LHFPL3: variants seen among roughly 807,000 people sequenced by gnomAD.
LHFPL3 encodes LHFPL tetraspan subfamily member 3.
LHFPL3 carries 5 observed loss-of-function variants against 19.3 expected under a neutral mutation model. The observed-to-expected ratio is 0.26, with a 90% CI of 0.14 to 0.54. The LOEUF is 0.54. Among genes scored for constraint, LHFPL3 ranks in the 20% least tolerant of loss-of-function variants. The probability of loss-of-function intolerance (pLI) is 0.94; values close to 1 mark genes in which losing one functional copy is unlikely to be tolerated. For synonymous variants in LHFPL3, 133 were observed against 126.2 expected (o/e 1.05, Z -0.36); for missense variants, 249 against 307.4 (o/e 0.81, Z 1.42).
chr7:104,370,038 T>C (rs1790579915), intron 1 of LHFPL3, among the ~76,000 whole-genome samples: 1 of 152,216 alleles, frequency 6.6e-6, no homozygotes. Context: ...GTTAGCCATG[T>C]ATTGAATAAC....
intron 1 of LHFPL3, among the ~76,000 whole-genome samples, chr7:104,636,732 T>A (rs1791734448): frequency 1.3e-5 from 2 of 152,248 alleles, no homozygotes; most frequent in Admixed American, 1.3e-4. Context: ...ATTCTTTTTA[T>A]GGCTGCATAG....
intron 1 of LHFPL3, among the ~76,000 whole-genome samples, chr7:104,508,169 T>C (rs544482293): frequency 1.3e-5 from 2 of 152,246 alleles, no homozygotes; most frequent in East Asian, 1.9e-4. Flanking sequence ...CGTATGTTTA[T>C]TGCGGCATTA....
At chr7:104,517,372 G>T (rs1399355384) in intron 1 of LHFPL3, among the ~76,000 whole-genome samples, 1 of 150,912 alleles carries the variant, frequency 6.6e-6, no homozygotes, top group Admixed American at 6.6e-5. Context: ...TTATTTTATT[G>T]AATTAGGTGA....
At chr7:104,575,724 C>A (rs1790326538) in intron 1 of LHFPL3, among the ~76,000 whole-genome samples, 2 of 152,030 alleles carry the variant, frequency 1.3e-5, no homozygotes, top group African/African-American at 4.8e-5. Flanking sequence ...CGGCTCACTG[C>A]AACCTCCACC....
chr7:104,853,570 G>A (rs1791449503), intron 2 of LHFPL3, among the ~76,000 whole-genome samples: 1 of 152,160 alleles, frequency 6.6e-6, no homozygotes, highest in Non-Finnish European at 1.5e-5. Flanking sequence ...GGCATTGCAT[G>A]AAATAAAAAT....
At chr7:104,456,377 A>G (rs1792541328) in intron 1 of LHFPL3, among the ~76,000 whole-genome samples, 1 of 152,220 alleles carries the variant, frequency 6.6e-6, no homozygotes, top group Admixed American at 6.5e-5. Context: ...AAACTGAAAC[A>G]ATAGAGACAC....
At chr7:104,632,701 G>T (rs1791664972) in intron 1 of LHFPL3, among the ~76,000 whole-genome samples, 1 of 152,188 alleles carries the variant, frequency 6.6e-6, no homozygotes, top group Non-Finnish European at 1.5e-5. Context: ...TGTCACTCAG[G>T]CTGGAGTGCA....
At position 104,337,553 on chromosome 7, in the gene LHFPL3, T is replaced by C. The variant is rs561787237; in HGVS notation, c.445+8329T>C. 8.6e-5 allele frequency among the ~76,000 whole-genome samples: 13 copies of C among 152,044 alleles called. No individual in the cohort carries two copies. The South Asian group carries it at 2.1e-3, about 24-fold the overall frequency. On this transcript the variant is annotated intron_variant, in intron 1 of 2. Coordinates refer to ENST00000424859, the MANE Select transcript of LHFPL3 (RefSeq NM_199000.3). ...TAGATGTATGGCAGGTGGAAATAAG[T>C]AGAAAGATTAAAATAAGGCAACCTA...
At chr7:104,392,838 G>T (rs1791104536) in intron 1 of LHFPL3, among the ~76,000 whole-genome samples, 1 of 152,096 alleles carries the variant, frequency 6.6e-6, no homozygotes, top group Non-Finnish European at 1.5e-5. Flanking sequence ...TGGTTGGTAG[G>T]CTCTTAATTA....
intron 1 of LHFPL3, among the ~76,000 whole-genome samples, chr7:104,475,611 G>A (rs955735064): frequency 1.3e-5 from 2 of 152,084 alleles, no homozygotes; most frequent in Admixed American, 1.3e-4. Flanking sequence ...TAAAAATTAT[G>A]TCTCACAGAA....
At chr7:104,750,951 C>T (rs796459875) in intron 2 of LHFPL3, among the ~76,000 whole-genome samples, 2,690 of 111,718 alleles carry the variant, frequency 0.024, no homozygotes, top group African/African-American at 0.048. Context: ...AGGTGGCTCT[C>T]TACCTGTTGT....
At chr7:104,782,584 C>T (rs1584531613) in intron 2 of LHFPL3, among the ~76,000 whole-genome samples, 1 of 152,234 alleles carries the variant, frequency 6.6e-6, no homozygotes, top group African/African-American at 2.4e-5. Context: ...CTCCTGCTCC[C>T]ATGTGTGTGC....
In LHFPL3 at chr7:104,498,507, T is replaced by G. The variant is rs558647184; in HGVS notation, c.445+169283T>G. Reference sequence around the variant, plus strand: ...TACATGGAAGCAATGTTTTTTTTTTTTTTTTTTGAGACAGGGTCTCACTCT... The same window carrying G: ...TACATGGAAGCAATGTTTTTTTTTTGTTTTTTTGAGACAGGGTCTCACTCT... On this transcript the variant is annotated intron_variant, in intron 1 of 2. Coordinates refer to ENST00000424859, the MANE Select transcript of LHFPL3 (RefSeq NM_199000.3). 5.5e-3 allele frequency among the ~76,000 whole-genome samples: 831 copies of G among 151,942 alleles called. 12 individuals carry two copies. Among genetic ancestry groups the G allele is most frequent in the African/African-American group, 0.019 (787 of 41,402 alleles).
intron 2 of LHFPL3, among the ~76,000 whole-genome samples, chr7:104,772,172 A>G (rs1794564815): frequency 6.6e-6 from 1 of 152,100 alleles, no homozygotes; most frequent in African/African-American, 2.4e-5. Flanking sequence ...ATTTGAGCCT[A>G]TTAATAACTG....
At chr7:104,448,879 G>A (rs1382706530) in intron 1 of LHFPL3, among the ~76,000 whole-genome samples, 1 of 152,202 alleles carries the variant, frequency 6.6e-6, no homozygotes, top group East Asian at 1.9e-4. Flanking sequence ...TGACAGAATT[G>A]TAAAACCCAT....
chr7:104,398,048 C>G (rs188706602), intron 1 of LHFPL3, among the ~76,000 whole-genome samples: 2 of 143,546 alleles, frequency 1.4e-5, no homozygotes, highest in Non-Finnish European at 3.0e-5. Context: ...GTATTATCTT[C>G]TATGCATTTA....
intron 1 of LHFPL3, among the ~76,000 whole-genome samples, chr7:104,437,957 A>G (rs533550175): frequency 2.6e-5 from 4 of 152,158 alleles, no homozygotes; most frequent in Non-Finnish European, 5.9e-5. Flanking sequence ...ACCTTTAATC[A>G]TGGTTTGGTC....
intron 1 of LHFPL3, among the ~76,000 whole-genome samples, chr7:104,563,029 G>T (rs1302398111): frequency 6.9e-6 from 1 of 144,080 alleles, no homozygotes; most frequent in Non-Finnish European, 1.5e-5. Context: ...TGAGGAGACA[G>T]TCTGCCCATT....
At chr7:104,563,703 C>T (rs1349167643) in intron 1 of LHFPL3, among the ~76,000 whole-genome samples, 1 of 152,250 alleles carries the variant, frequency 6.6e-6, no homozygotes, top group Non-Finnish European at 1.5e-5. Context: ...ATCTTGGCTC[C>T]TCCGGAGACT....
Sources: gnomAD v4.1 joint callset for allele counts (sites outside exome capture counted in the v4.1 genomes callset) on GRCh38, gnomAD v4.1.1 for gene constraint, MANE v1.5 for transcripts, NCBI Gene and HGNC (gene_info 2026-07-23, HGNC 2026-07-21) for gene names.